The following SPIRE1 variants were observed in gnomAD, a reference collection of about 807,000 sequenced individuals.
The protein encoded by SPIRE1 is protein spire homolog 1.
In SPIRE1, 40 loss-of-function variants were observed where a neutral mutation model predicts 94.1. That is an observed-to-expected ratio of 0.43 (90% CI 0.33 to 0.55). The LOEUF (loss-of-function observed/expected upper bound fraction) is 0.55, where lower values mean the gene tolerates loss of function less well. SPIRE1 is among the 20% of genes least tolerant of loss of function. The pLI is 0.06. For synonymous variants in SPIRE1, 376 were observed against 371.7 expected, an observed-to-expected ratio of 1.01 and a Z score of -0.13; for missense variants, 838 against 975.2, an observed-to-expected ratio of 0.86 and a Z score of 1.87.
chr18:12,538,940 A>G (rs961569672), intron 3 of SPIRE1, among the ~76,000 whole-genome samples: 2 of 152,150 alleles, frequency 1.3e-5, no homozygotes, highest in African/African-American at 4.8e-5. Context: ...CTCCACCATC[A>G]TCATGGTCAC....
At chr18:12,599,748 A>G (rs1018726452) in intron 2 of SPIRE1, among the ~76,000 whole-genome samples, 51 of 152,160 alleles carry the variant, frequency 3.4e-4, no homozygotes, top group African/African-American at 1.2e-3. Context: ...CAGGAGGCAC[A>G]TGGTATGGTT....
At chr18:12,613,072 G>A (rs2037187796) in intron 2 of SPIRE1, among the ~76,000 whole-genome samples, 1 of 152,030 alleles carries the variant, frequency 6.6e-6, no homozygotes, top group African/African-American at 2.4e-5. Context: ...AACACTTGAG[G>A]GCTGAGATTT....
intron 2 of SPIRE1, among the ~76,000 whole-genome samples, chr18:12,592,000 A>G (rs1223358509): frequency 5.9e-5 from 9 of 151,288 alleles, no homozygotes; most frequent in Middle Eastern, 3.5e-3. Context: ...AAAATCAAGA[A>G]TAGGTTTGGG....
Position 12,568,558 on chromosome 18 carries a change from A to G in SPIRE1, c.373-21654T>C, listed in dbSNP as rs978447985. Among the ~76,000 whole-genome samples, 5 of 152,214 alleles carry G rather than the reference A, an allele frequency of 3.3e-5. No homozygotes were observed. In the South Asian group the frequency reaches 8.3e-4, roughly 25 times the overall value. ...CAATCTCTATGAATTAATGAAAACA[A>G]CTATTTTTTTCTTCAGAATCTTCAT... On this transcript the variant is annotated intron_variant, in intron 2 of 16. Transcript: ENST00000409402.
At chr18:12,619,972 A>G (rs2037420131) in intron 2 of SPIRE1, among the ~76,000 whole-genome samples, 1 of 152,178 alleles carries the variant, frequency 6.6e-6, no homozygotes, top group Non-Finnish European at 1.5e-5. Flanking sequence ...CTGAAAAAAC[A>G]TTAAAATTAA....
intron 4 of SPIRE1, among the ~76,000 whole-genome samples, chr18:12,534,847 G>A (rs1363463297): frequency 6.6e-6 from 1 of 152,120 alleles, no homozygotes; most frequent in Non-Finnish European, 1.5e-5. Context: ...GCATGAGCCT[G>A]CACCTGGCCC....
chr18:12,597,231 T>G (rs2144618112), intron 2 of SPIRE1, among the ~76,000 whole-genome samples: 1 of 149,330 alleles, frequency 6.7e-6, no homozygotes, highest in East Asian at 2.0e-4. Context: ...GAACCACTCT[T>G]GATAATCCAT....
chr18:12,473,430 G>C (rs2032439768), intron 10 of SPIRE1, among the ~76,000 whole-genome samples: 2 of 152,096 alleles, frequency 1.3e-5, no homozygotes, highest in South Asian at 2.1e-4. Flanking sequence ...CAATAGTGTT[G>C]CTCTTTATAA....
At position 12,651,073 on chromosome 18, in the gene SPIRE1, CTTCT is replaced by C. The variant is rs149770727; in HGVS notation, c.337+6453_337+6456del. Among the ~76,000 whole-genome samples, 352 of 152,238 alleles carry C rather than the reference CTTCT, an allele frequency of 2.3e-3. 2 individuals are homozygous for C. The highest frequency in any genetic ancestry group is 8.1e-3 in the African/African-American group (337 of 41,536). On this transcript the variant is annotated intron_variant, in intron 1 of 16. Transcript: ENST00000409402. Reference sequence around the variant, plus strand: ...CCACTGTGTTTCTGTTTTATTTTCTCTTCTTTAATGACTAGAACTATTTGCCCTT... The same window carrying C: ...CCACTGTGTTTCTGTTTTATTTTCTCTTAATGACTAGAACTATTTGCCCTT...
At chr18:12,632,694 A>C (rs1272602914) in intron 2 of SPIRE1, among the ~76,000 whole-genome samples, 6 of 151,726 alleles carry the variant, frequency 4.0e-5, no homozygotes, top group East Asian at 3.9e-4. Flanking sequence ...GCCCCCTCCA[A>C]ATTTTTACTT....
intron 1 of SPIRE1, among the ~76,000 whole-genome samples, chr18:12,652,806 A>G (rs570589384): frequency 6.6e-6 from 1 of 152,332 alleles, no homozygotes; most frequent in African/African-American, 2.4e-5. Flanking sequence ...CAGATGTATC[A>G]ATACTGTTAA....
At chr18:12,625,381 A>G (rs921365057) in intron 2 of SPIRE1, among the ~76,000 whole-genome samples, 1 of 152,226 alleles carries the variant, frequency 6.6e-6, no homozygotes, top group Non-Finnish European at 1.5e-5. Flanking sequence ...GACCAAGGAG[A>G]AAATGCTGTT....
At position 12,598,059 on chromosome 18, in the gene SPIRE1, C is replaced by T. The variant is rs560435501; in HGVS notation, c.372+37003G>A. ...CTAGCTTGAGTCACTAACCAGAGGG[C>T]ACATAATCTTTGACATTTCAAAATT... On this transcript the variant is annotated intron_variant, in intron 2 of 16. Transcript: ENST00000409402. 3.3e-5 allele frequency among the ~76,000 whole-genome samples: 5 copies of T among 152,278 alleles called. No homozygotes were observed. In the South Asian group the frequency reaches 1.0e-3, roughly 32 times the overall value.
At chr18:12,589,636 T>G (rs1052656183) in intron 2 of SPIRE1, among the ~76,000 whole-genome samples, 2 of 152,172 alleles carry the variant, frequency 1.3e-5, no homozygotes, top group Non-Finnish European at 2.9e-5. Flanking sequence ...TAAAAAAATC[T>G]TCTGTGCCAA....
At chr18:12,476,556 AAAAAAAAAAT>A (rs1315214657) in intron 10 of SPIRE1, among the ~76,000 whole-genome samples, 168 of 85,288 alleles carry the variant, frequency 2.0e-3, no homozygotes, top group South Asian at 0.01. Context: ...AAAAAAAAAA[AAAAAAAAAAT>A]ATATATATAT....
At chr18:12,497,161 A>C (rs992291912) in intron 6 of SPIRE1, among the ~76,000 whole-genome samples, 12 of 152,220 alleles carry the variant, frequency 7.9e-5, no homozygotes, top group Admixed American at 3.3e-4. Context: ...CACATTTTGT[A>C]AATAAAACTA....
At chr18:12,549,433 A>ATTG (rs371399310) in intron 2 of SPIRE1, among the ~76,000 whole-genome samples, 88 of 16,048 alleles carry the variant, frequency 5.5e-3, no homozygotes, top group Middle Eastern at 0.062. Flanking sequence ...TGTTTTTGTT[A>ATTG]TTGTTGTTTT....
chr18:12,611,153 G>A (rs1348290658), intron 2 of SPIRE1, among the ~76,000 whole-genome samples: 2 of 152,022 alleles, frequency 1.3e-5, no homozygotes, highest in Admixed American at 6.6e-5. Flanking sequence ...AACTTGCTAG[G>A]GTCCCACTTT....
In SPIRE1 at chr18:12,577,565, T is replaced by C. The variant is rs188252676; in HGVS notation, c.373-30661A>G. ...CTAGTAGTGTTTGCAGATTTTTAAATGTTATCTACATAGTCATTGTCATTT... is the reference window on the plus strand; with the variant it reads ...CTAGTAGTGTTTGCAGATTTTTAAACGTTATCTACATAGTCATTGTCATTT... On this transcript the variant is annotated intron_variant, in intron 2 of 16. Transcript: ENST00000409402. Among the ~76,000 whole-genome samples, 699 of 152,344 alleles carry C rather than the reference T, an allele frequency of 4.6e-3. 5 individuals are homozygous for C. The highest frequency in any genetic ancestry group is 8.9e-3 in the South Asian group (43 of 4,828).
Sources: gnomAD v4.1 joint callset for allele counts (sites outside exome capture counted in the v4.1 genomes callset) on GRCh38, gnomAD v4.1.1 for gene constraint, MANE v1.5 for transcripts, NCBI Gene and HGNC (gene_info 2026-07-23, HGNC 2026-07-21) for gene names.